Variants in NCAPH observed in about 807,000 individuals in gnomAD.
NCAPH encodes condensin complex subunit 2.
NCAPH carries 38 observed loss-of-function variants against 85.5 expected under a neutral mutation model. The ratio of observed to expected loss-of-function variants is 0.44; its 90% CI spans 0.34 to 0.58. The LOEUF (loss-of-function observed/expected upper bound fraction) is 0.58. NCAPH is among the 20% of genes least tolerant of loss of function. The pLI, the probability that NCAPH is intolerant of heterozygous loss-of-function variation, is 0.01. For missense variants in NCAPH, 789 were observed against 916.6 expected (o/e 0.86, Z 1.80); for synonymous variants, 301 against 335.1 (o/e 0.90, Z 1.11).
At chr2:96,371,456 A>G (rs1007817763) in intron 17 of NCAPH, among the ~76,000 whole-genome samples, 7 of 152,190 alleles carry the variant, frequency 4.6e-5, no homozygotes, top group African/African-American at 1.7e-4. Flanking sequence ...CTTGTTTCTT[A>G]AGGAGTCAGG....
At chr2:96,347,387 G>A (rs2064376285) in intron 6 of NCAPH, among the ~76,000 whole-genome samples, 1 of 151,358 alleles carries the variant, frequency 6.6e-6, no homozygotes, top group African/African-American at 2.4e-5. Context: ...TGTCAGATAG[G>A]GTAGAGATTT....
chr2:96,360,347 A>G, intron 11 of NCAPH, 98 bp downstream of exon 11: 1 of 843,204 alleles, frequency 1.2e-6, no homozygotes, highest in Non-Finnish European at 1.9e-6. Context: ...GAGCAAACAG[A>G]TGGTTTCATT....
intron 14 of NCAPH, 46 bp downstream of exon 14, chr2:96,366,104 TTTAA>T: frequency 1.3e-6 from 2 of 1,590,590 alleles, no homozygotes; most frequent in African/African-American, 1.3e-5. Flanking sequence ...CTGAAATCTA[TTTAA>T]TTGTCTCTTA....
At chr2:96,337,822 G>C (rs1409106553) in intron 1 of NCAPH, among the ~76,000 whole-genome samples, 1 of 152,140 alleles carries the variant, frequency 6.6e-6, no homozygotes, top group African/African-American at 2.4e-5. Context: ...GCGCAAGCAG[G>C]CTCAGCTTCC....
rs767913740 is a variant in NCAPH at position 96,344,219 on chromosome 2, G to A, written c.710G>A (p.Arg237Gln). Residue 237 changes from arginine to glutamine, a missense_variant, in exon 6 of 18, where the codon CGG becomes CAG. By Grantham distance (43) the Arg-to-Gln change is conservative. Coordinates refer to ENST00000240423, the MANE Select transcript of NCAPH (RefSeq NM_015341.5). The part of the protein sequence containing the change: ...INNLNVSEAD[R>Q]KCEIDPMFQK... Reference sequence around the variant, plus strand: ...AACCTCAATGTCTCCGAAGCAGATCGGAAGTGTGAGGTGAGGAACTGTATG... The same window carrying A: ...AACCTCAATGTCTCCGAAGCAGATCAGAAGTGTGAGGTGAGGAACTGTATG... 1.1e-5 allele frequency: 18 copies of A among 1,608,906 alleles called. No homozygotes were observed. Among genetic ancestry groups the A allele is most frequent in the Admixed American group, 1.7e-5 (1 of 58,546 alleles).
At chr2:96,336,679 T>A (rs1430431227) in intron 1 of NCAPH, among the ~76,000 whole-genome samples, 4 of 152,166 alleles carry the variant, frequency 2.6e-5, no homozygotes, top group African/African-American at 9.7e-5. Flanking sequence ...TATAATCACT[T>A]AGGTGAGAAT....
At chr2:96,355,913 C>T (rs551957758) in intron 9 of NCAPH, among the ~76,000 whole-genome samples, 2 of 152,160 alleles carry the variant, frequency 1.3e-5, no homozygotes, top group East Asian at 1.9e-4. Context: ...GGATTACAGG[C>T]GTGAGCCACT....
chr2:96,359,042 C>T lies in NCAPH; in HGVS notation c.1209-3C>T, dbSNP rs2064567194. 2 of 1,613,728 alleles carry T rather than the reference C, an allele frequency of 1.2e-6. No homozygotes were observed. Among genetic ancestry groups the T allele is most frequent in the Admixed American group, 3.3e-5 (2 of 59,994 alleles). On this transcript the variant is annotated splice_region_variant and splice_polypyrimidine_tract_variant and intron_variant, in intron 9 of 17. Transcript: ENST00000240423. ...TGTACATGTACAAATATGTGTGTTA[C>T]AGGGAAGAAATGATTTCCCTTGGGG...
Position 96,373,985 on chromosome 2 carries a change from T to G in NCAPH, c.*634T>G, listed in dbSNP as rs1359743017. 6.6e-6 allele frequency: 1 copy of G among 152,166 alleles called. No homozygotes were observed. Among genetic ancestry groups the G allele is most frequent in the Non-Finnish European group, 1.5e-5 (1 of 68,062 alleles). The allele number at this position is 152,166 out of a possible 1,614,324, so 9.4% of individuals were successfully genotyped here. A position where few individuals can be genotyped will look rare whatever the true frequency, so the allele number is the denominator to read the frequency against. On this transcript the variant is annotated 3_prime_UTR_variant, in exon 18 of 18. Transcript: ENST00000240423. Reference sequence around the variant, plus strand: ...CAAGATGGTTTGCCTCGGAGGAGAATGGAAGAGAGAGATTGCTGACTGGAC... The same window carrying G: ...CAAGATGGTTTGCCTCGGAGGAGAAGGGAAGAGAGAGATTGCTGACTGGAC...
At chr2:96,369,396 G>A in intron 16 of NCAPH, 29 bp from the exon 17 acceptor site, 1 of 1,585,564 alleles carries the variant, frequency 6.3e-7, no homozygotes, top group Non-Finnish European at 8.7e-7. Context: ...AGTTGGCAGT[G>A]ACCTAAATAC....
chr2:96,344,361 T>C, intron 6 of NCAPH, 132 bp downstream of exon 6: 1 of 967,262 alleles, frequency 1.0e-6, no homozygotes, highest in Non-Finnish European at 1.4e-6. Flanking sequence ...TCAACTGATA[T>C]CTCTGCATTA....
chr2:96,361,822 A>ATG (rs1558800352), intron 12 of NCAPH, among the ~76,000 whole-genome samples: 2 of 109,840 alleles, frequency 1.8e-5, no homozygotes, highest in Admixed American at 9.1e-5. Context: ...ATATATATAT[A>ATG]TATATATTTT....
intron 6 of NCAPH, among the ~76,000 whole-genome samples, chr2:96,348,700 G>C (rs530317752): frequency 2.6e-4 from 39 of 152,004 alleles, no homozygotes; most frequent in Admixed American, 7.9e-4. Flanking sequence ...CTGTGGCCCA[G>C]GCTGGAGTGC....
intron 6 of NCAPH, among the ~76,000 whole-genome samples, chr2:96,350,061 C>T (rs1230813879): frequency 2.0e-5 from 3 of 152,218 alleles, no homozygotes; most frequent in Non-Finnish European, 2.9e-5. Context: ...GGAGAGTATA[C>T]GAGTTTGGCT....
chr2:96,356,401 C>T (rs185775949), intron 9 of NCAPH, among the ~76,000 whole-genome samples: 1 of 152,136 alleles, frequency 6.6e-6, no homozygotes, highest in Non-Finnish European at 1.5e-5. Context: ...AGGTTGGGAC[C>T]AGTTGATAAT....
intron 6 of NCAPH, among the ~76,000 whole-genome samples, chr2:96,349,812 G>T (rs1057164501): frequency 5.3e-5 from 8 of 152,218 alleles, no homozygotes; most frequent in African/African-American, 1.9e-4. Context: ...ATTCAAACAT[G>T]ATTATGCTTC....
chr2:96,354,057 G>A, intron 8 of NCAPH, 126 bp from the exon 9 acceptor site: 1 of 903,502 alleles, frequency 1.1e-6, no homozygotes, highest in South Asian at 1.6e-5. Flanking sequence ...ATGGGAAAGG[G>A]AAGGGTGGCT....
Position 96,373,329 on chromosome 2 carries a change from T to C in NCAPH, c.2204T>C (p.Val735Ala). 9 of 1,614,058 alleles carry C rather than the reference T, an allele frequency of 5.6e-6. No homozygotes were observed. Among genetic ancestry groups the C allele is most frequent in the Non-Finnish European group, 7.6e-6 (9 of 1,179,936 alleles). ...KLEGTEDLSD[V>A]LVRQGD Reference sequence around the variant, plus strand: ...GAAGGAACAGAGGACCTCTCTGATGTTCTTGTGAGGCAAGGAGATTGAGTT... The same window carrying C: ...GAAGGAACAGAGGACCTCTCTGATGCTCTTGTGAGGCAAGGAGATTGAGTT... The change falls in exon 18 of 18, where the codon GTT (valine) becomes GCT (alanine). Residue 735 changes from valine to alanine, a missense_variant. Val to Ala is a moderately conservative substitution (Grantham distance 64). Transcript: ENST00000240423.
chr2:96,339,722 T>C (rs1218170088), intron 1 of NCAPH, among the ~76,000 whole-genome samples: 1 of 152,126 alleles, frequency 6.6e-6, no homozygotes, highest in Non-Finnish European at 1.5e-5. Flanking sequence ...GAAAACTGTT[T>C]TTGTCAAGAT....
Sources: gnomAD v4.1 joint callset for allele counts (sites outside exome capture counted in the v4.1 genomes callset) on GRCh38, gnomAD v4.1.1 for gene constraint, MANE v1.5 for transcripts, NCBI Gene and HGNC (gene_info 2026-07-23, HGNC 2026-07-21) for gene names.